Variants in TMEM117 observed in about 807,000 individuals in gnomAD.
The protein encoded by TMEM117 is transmembrane protein 117.
TMEM117 carries 27 observed loss-of-function variants against 52.4 expected under a neutral mutation model. The observed-to-expected ratio is 0.51, with a 90% CI of 0.38 to 0.71. The LOEUF (loss-of-function observed/expected upper bound fraction) is 0.71, where lower values mean the gene tolerates loss of function less well. Ranked by LOEUF, TMEM117 falls within the 30% of genes least tolerant of loss-of-function variation. The probability of loss-of-function intolerance (pLI) is 0.00; values close to 1 mark genes in which losing one functional copy is unlikely to be tolerated. For missense variants in TMEM117, 556 were observed against 630.5 expected (o/e 0.88, Z 1.26); for synonymous variants, 215 against 206.3 (o/e 1.04, Z -0.36).
intron 3 of TMEM117, among the ~76,000 whole-genome samples, chr12:43,966,327 A>G (rs1945484880): frequency 6.6e-6 from 1 of 152,256 alleles, no homozygotes; most frequent in African/African-American, 2.4e-5. Flanking sequence ...ATAAAACTAT[A>G]ACATAAATAA....
intron 3 of TMEM117, among the ~76,000 whole-genome samples, chr12:44,004,425 A>G (rs989626899): frequency 3.9e-5 from 6 of 152,194 alleles, no homozygotes; most frequent in Admixed American, 1.3e-4. Flanking sequence ...GCTAGCATCT[A>G]TCCGGGATGC....
Position 44,204,684 on chromosome 12 carries a change from C to T in TMEM117, c.511-6606C>T, listed in dbSNP as rs115139946. Reference sequence around the variant, plus strand: ...TACAAATCTACTGTAACCAAAACAGCATATTGGTACAAAAACAAATACAGA... The same window carrying T: ...TACAAATCTACTGTAACCAAAACAGTATATTGGTACAAAAACAAATACAGA... On this transcript the variant is annotated intron_variant, in intron 4 of 7. Transcript: ENST00000266534. Among the ~76,000 whole-genome samples the T allele has an allele frequency of 9.4e-3, 1,433 of 152,188 alleles. 27 individuals carry two copies. The highest frequency in any genetic ancestry group is 0.032 in the African/African-American group (1,332 of 41,552).
chr12:43,963,308 G>T (rs951087994), intron 3 of TMEM117, among the ~76,000 whole-genome samples: 17 of 151,970 alleles, frequency 1.1e-4, no homozygotes, highest in African/African-American at 3.6e-4. Flanking sequence ...TTTTATTAGA[G>T]AATTTGATGT....
chr12:44,253,785 A>G (rs750010031), intron 5 of TMEM117, among the ~76,000 whole-genome samples: 3 of 151,208 alleles, frequency 2.0e-5, no homozygotes, highest in Admixed American at 1.3e-4. Context: ...TATAAATCCA[A>G]TGTGACTTCA....
At chr12:44,129,752 CAGTT>C in intron 3 of TMEM117, among the ~76,000 whole-genome samples, 1 of 152,152 alleles carries the variant, frequency 6.6e-6, no homozygotes, top group East Asian at 1.9e-4. Context: ...GAAGCTTAGT[CAGTT>C]AGAATGCAGA....
Position 43,894,273 on chromosome 12 carries a change from T to C in TMEM117, c.277+49345T>C, listed in dbSNP as rs61930713. Among the ~76,000 whole-genome samples, 1,177 of 152,366 alleles carry C rather than the reference T, an allele frequency of 7.7e-3. 5 individuals carry two copies. The highest frequency in any genetic ancestry group is 0.051 in the Middle Eastern group (15 of 294). Reference sequence around the variant, plus strand: ...TCAAGGTGTTGGTTGGTATTAAATGTATTTTCACAGATGTCTCATCTTCCT... The same window carrying C: ...TCAAGGTGTTGGTTGGTATTAAATGCATTTTCACAGATGTCTCATCTTCCT... On this transcript the variant is annotated intron_variant, in intron 2 of 7. Coordinates refer to ENST00000266534, the MANE Select transcript of TMEM117 (RefSeq NM_032256.3).
chr12:43,856,247 T>C (rs992054633), intron 2 of TMEM117, among the ~76,000 whole-genome samples: 2 of 152,206 alleles, frequency 1.3e-5, no homozygotes, highest in African/African-American at 2.4e-5. Context: ...CTCAAAATGT[T>C]ATATTAGATA....
intron 3 of TMEM117, among the ~76,000 whole-genome samples, chr12:44,082,480 A>G (rs74458761): frequency 6.7e-6 from 1 of 148,590 alleles, no homozygotes; most frequent in Non-Finnish European, 1.5e-5. Flanking sequence ...TATCATAAAC[A>G]AAACAGTAAA....
intron 3 of TMEM117, among the ~76,000 whole-genome samples, chr12:44,133,002 AG>A (rs1948438599): frequency 6.6e-6 from 1 of 152,244 alleles, no homozygotes; most frequent in Non-Finnish European, 1.5e-5. Context: ...AACAAGTAAA[AG>A]TGAAAAGTGA....
At chr12:44,334,403 A>G (rs1459025868) in intron 6 of TMEM117, among the ~76,000 whole-genome samples, 3 of 152,000 alleles carry the variant, frequency 2.0e-5, no homozygotes, top group Non-Finnish European at 4.4e-5. Context: ...ACTTAATGGA[A>G]AAGCTACCTT....
chr12:44,183,104 A>G (rs1445055297), intron 4 of TMEM117, among the ~76,000 whole-genome samples: 1 of 152,220 alleles, frequency 6.6e-6, no homozygotes, highest in Non-Finnish European at 1.5e-5. Context: ...AGAAATTTAT[A>G]AAGAAAAAAT....
chr12:43,818,435 T>G, the TMEM117 span, among the ~76,000 whole-genome samples: 76 of 150,748 alleles, frequency 5.0e-4, no homozygotes, highest in African/African-American at 8.8e-4. Context: ...TTTTTTGTGT[T>G]TTTTTTTTGT....
At chr12:43,900,821 A>G (rs537211748) in intron 2 of TMEM117, among the ~76,000 whole-genome samples, 61 of 152,018 alleles carry the variant, frequency 4.0e-4, no homozygotes, top group African/African-American at 1.3e-3. Flanking sequence ...TGGAAACTAC[A>G]GAACAGAGAG....
chr12:43,845,460 CAAAAAAAAAAAAA>C (rs10677136), intron 2 of TMEM117, among the ~76,000 whole-genome samples: 2 of 37,996 alleles, frequency 5.3e-5, no homozygotes, highest in African/African-American at 1.0e-4. Context: ...GACTCCATCT[CAAAAAAAAAAAAA>C]AAAAAAAAAA....
chr12:44,263,522 A>G (rs1950344392), intron 5 of TMEM117: 1 of 152,242 alleles, frequency 6.6e-6, no homozygotes, highest in Non-Finnish European at 1.5e-5. Flanking sequence ...AAATCATTCT[A>G]CCATAAAGAC....
chr12:43,953,713 A>C (rs1173606351), intron 3 of TMEM117, among the ~76,000 whole-genome samples: 1 of 152,214 alleles, frequency 6.6e-6, no homozygotes, highest in Non-Finnish European at 1.5e-5. Context: ...AGAAGACTTT[A>C]ATACCCCACT....
At chr12:44,262,457 A>C (rs1186762955) in intron 5 of TMEM117, among the ~76,000 whole-genome samples, 1 of 152,216 alleles carries the variant, frequency 6.6e-6, no homozygotes, top group Non-Finnish European at 1.5e-5. Flanking sequence ...TTGCTTCCAC[A>C]AACCCACGTG....
intron 6 of TMEM117, among the ~76,000 whole-genome samples, chr12:44,331,525 TGATAA>T (rs1440629906): frequency 6.6e-6 from 1 of 152,030 alleles, no homozygotes; most frequent in African/African-American, 2.4e-5. Flanking sequence ...AGCTTTCAAG[TGATAA>T]GATAAGGAAC....
At chr12:43,980,967 A>G (rs1236647070) in intron 3 of TMEM117, among the ~76,000 whole-genome samples, 2 of 152,146 alleles carry the variant, frequency 1.3e-5, no homozygotes, top group African/African-American at 4.8e-5. Context: ...GTTTCTGGAG[A>G]CAGGAGTAAA....
Sources: allele counts gnomAD v4.1 joint callset (sites outside exome capture counted in the v4.1 genomes callset), GRCh38; gene constraint gnomAD v4.1.1; transcripts MANE v1.5; gene names NCBI Gene and HGNC (gene_info 2026-07-23, HGNC 2026-07-21).